MYH11: variants seen among roughly 807,000 people sequenced by gnomAD.
MYH11 encodes myosin-11.
Under a neutral mutation model 246.6 loss-of-function variants are expected in MYH11, and 80 were observed. The ratio of observed to expected loss-of-function variants is 0.32; its 90% CI spans 0.27 to 0.39. The LOEUF is 0.39. MYH11 is among the 10% of genes least tolerant of loss of function. The probability of loss-of-function intolerance (pLI) is 1.00; values close to 1 mark genes in which losing one functional copy is unlikely to be tolerated. For synonymous variants in MYH11, 1,071 were observed against 1,015.5 expected, an observed-to-expected ratio of 1.05 and a Z score of -1.04; for missense variants, 2,158 against 2,546.8, an observed-to-expected ratio of 0.85 and a Z score of 3.29.
At chr16:15,707,370 C>A (rs1220439705) in intron 40 of MYH11, among the ~76,000 whole-genome samples, 1 of 152,114 alleles carries the variant, frequency 6.6e-6, no homozygotes, top group Non-Finnish European at 1.5e-5. Context: ...TATCCAAGGC[C>A]TCGGGAATCA....
At chr16:15,728,815 G>C (rs1401946210) in intron 27 of MYH11, among the ~76,000 whole-genome samples, 2 of 152,072 alleles carry the variant, frequency 1.3e-5, no homozygotes, top group Non-Finnish European at 2.9e-5. Context: ...CAGGAGAATT[G>C]CCTGAACCCA....
chr16:15,759,959 T>C (rs369186570), intron 11 of MYH11, among the ~76,000 whole-genome samples: 2 of 152,080 alleles, frequency 1.3e-5, no homozygotes, highest in East Asian at 3.9e-4. Flanking sequence ...TAGCCAGGCG[T>C]TGTGGTGCAT....
chr16:15,719,000 C>G, intron 36 of MYH11: 2 of 593,006 alleles, frequency 3.4e-6, no homozygotes, highest in Non-Finnish European at 6.1e-6. Flanking sequence ...TGGTGGTACA[C>G]ACCTGTAGTC....
At chr16:15,739,971 G>C in intron 23 of MYH11, 80 bp downstream of exon 23, 1 of 1,477,108 alleles carries the variant, frequency 6.8e-7, no homozygotes, top group Non-Finnish European at 9.4e-7. Flanking sequence ...CAAACTCCTG[G>C]CCTCAAGTGA....
intron 7 of MYH11, among the ~76,000 whole-genome samples, chr16:15,777,225 A>G (rs2042243264): frequency 6.6e-6 from 1 of 152,032 alleles, no homozygotes; most frequent in African/African-American, 2.4e-5. Flanking sequence ...GGATCCAAGC[A>G]ATTCTCCTGC....
At chr16:15,813,201 T>A (rs1356388313) in intron 3 of MYH11, among the ~76,000 whole-genome samples, 2 of 151,928 alleles carry the variant, frequency 1.3e-5, no homozygotes, top group Non-Finnish European at 2.9e-5. Context: ...TGTTTTTTTT[T>A]AATTAGCTGA....
intron 5 of MYH11, chr16:15,786,371 TC>T (rs1342136031): frequency 1.6e-6 from 1 of 632,568 alleles, no homozygotes; most frequent in Non-Finnish European, 2.9e-6. Flanking sequence ...GAGGAAGATC[TC>T]GCTATGGAAG....
chr16:15,708,835 G>A, intron 40 of MYH11: 1 of 1,610,194 alleles, frequency 6.2e-7, no homozygotes, highest in Non-Finnish European at 8.5e-7. Flanking sequence ...CCTGTGGGGG[G>A]GGCCCTCTGA....
intron 8 of MYH11, among the ~76,000 whole-genome samples, chr16:15,775,331 G>A (rs2042194797): frequency 6.6e-6 from 1 of 152,202 alleles, no homozygotes; most frequent in South Asian, 2.1e-4. Flanking sequence ...TGATGCATCT[G>A]CACTCACTGA....
intron 3 of MYH11, among the ~76,000 whole-genome samples, chr16:15,804,464 G>C (rs939997093): frequency 6.6e-6 from 1 of 152,166 alleles, no homozygotes; most frequent in African/African-American, 2.4e-5. Context: ...GGAGTTTGCA[G>C]TGAGCTGAGA....
Position 15,717,295 on chromosome 16 carries a change from ATTC to A in MYH11, c.5346_5348del (p.Lys1782del), listed in dbSNP as rs2151198418. 3.1e-6 allele frequency: 5 copies of A among 1,613,102 alleles called. No homozygotes were observed. Among genetic ancestry groups the A allele is most frequent in the Non-Finnish European group, 4.2e-6 (5 of 1,180,014 alleles). The stretch of plus-strand genomic sequence containing the variant: ...GCTCGAGCTGCTGCCGGGCACTCTC[ATTC>A]TTCTGGGCCGTGCTGCGCTCTGTGG... On this transcript the variant is annotated inframe_deletion, in exon 38 of 41. Coordinates refer to ENST00000300036, the MANE Select transcript of MYH11 (RefSeq NM_002474.3).
chr16:15,854,227 G>C (rs936049544), intron 1 of MYH11, among the ~76,000 whole-genome samples: 1 of 152,104 alleles, frequency 6.6e-6, no homozygotes, highest in Non-Finnish European at 1.5e-5. Flanking sequence ...TAGGCTTCCC[G>C]GTTCTGCCAA....
chr16:15,785,762 CGAG>C (rs2042454143), intron 5 of MYH11: 1 of 152,582 alleles, frequency 6.6e-6, no homozygotes, highest in Admixed American at 6.5e-5. Flanking sequence ...GGCTGACACA[CGAG>C]GAGGAAGAGA....
At chr16:15,775,319 A>C (rs1450864774) in intron 8 of MYH11, among the ~76,000 whole-genome samples, 2 of 152,256 alleles carry the variant, frequency 1.3e-5, no homozygotes, top group East Asian at 3.8e-4. Context: ...ATTGTAACAC[A>C]GTGATGCATC....
chr16:15,805,015 A>C (rs567460333), intron 3 of MYH11, among the ~76,000 whole-genome samples: 1 of 152,308 alleles, frequency 6.6e-6, no homozygotes, highest in East Asian at 1.9e-4. Flanking sequence ...CTTCGGGTAC[A>C]TACCCTAATC....
Position 15,703,851 on chromosome 16 carries a change from T to C in MYH11, c.*140A>G. On this transcript the variant is annotated 3_prime_UTR_variant, in exon 41 of 41. Coordinates refer to ENST00000300036, the MANE Select transcript of MYH11 (RefSeq NM_002474.3). ...TTGTGTGAGGGGTGTCTGTGATATT[T>C]GGAATTTGAGAATGGATTTAGACAA... 1 of 1,207,150 alleles carries C rather than the reference T, an allele frequency of 8.3e-7. No homozygotes were observed. Among genetic ancestry groups the C allele is most frequent in the Non-Finnish European group, 1.2e-6 (1 of 822,584 alleles). The allele number at this position is 1,207,150 out of a possible 1,614,324, so 74.8% of individuals were successfully genotyped here.
At chr16:15,836,667 T>C (rs527660426) in intron 2 of MYH11, among the ~76,000 whole-genome samples, 1 of 151,726 alleles carries the variant, frequency 6.6e-6, no homozygotes, top group South Asian at 2.1e-4. Context: ...CCCAAAGTGC[T>C]GGGATTACAG....
At chr16:15,747,973 G>C (rs2293736) in intron 17 of MYH11, 30 bp from the exon 18 acceptor site, 1 of 1,614,062 alleles carries the variant, frequency 6.2e-7, no homozygotes, top group African/African-American at 1.3e-5. Flanking sequence ...GTCACCCCGG[G>C]TACCTCCAGC....
At chr16:15,800,597 T>TTGGA (rs138132973) in intron 3 of MYH11, among the ~76,000 whole-genome samples, 13,493 of 143,062 alleles carry the variant, frequency 0.094, 750 homozygotes, top group Admixed American at 0.14. Flanking sequence ...GGTAAATGAG[T>TTGGA]TGGATGGATG....
Sources: allele counts gnomAD v4.1 joint callset (sites outside exome capture counted in the v4.1 genomes callset), GRCh38; gene constraint gnomAD v4.1.1; transcripts MANE v1.5; gene names NCBI Gene and HGNC (gene_info 2026-07-23, HGNC 2026-07-21).